C2CD3: variants seen among roughly 807,000 people sequenced by gnomAD.
C2CD3 encodes C2 domain containing 3 centriole elongation regulator.
Under a neutral mutation model 234.0 loss-of-function variants are expected in C2CD3, and 148 were observed. The observed-to-expected ratio is 0.63, with a 90% CI of 0.55 to 0.72. C2CD3 has a LOEUF of 0.72. Among genes scored for constraint, C2CD3 ranks in the 30% least tolerant of loss-of-function variants. The pLI is 0.00. For synonymous variants in C2CD3, 1,000 were observed against 1,035.4 expected (o/e 0.97, Z 0.66); for missense variants, 2,577 against 2,811.5 (o/e 0.92, Z 1.89).
chr11:74,119,034 C>T (rs1164519036), intron 8 of C2CD3, among the ~76,000 whole-genome samples: 1 of 151,862 alleles, frequency 6.6e-6, no homozygotes, highest in Non-Finnish European at 1.5e-5. Context: ...CTCAGCCTCC[C>T]AAGTAGCTGG....
chr11:74,112,032 C>A (rs1267035965), intron 11 of C2CD3, among the ~76,000 whole-genome samples: 1 of 150,614 alleles, frequency 6.6e-6, no homozygotes, highest in Non-Finnish European at 1.5e-5. Context: ...GATATAAAAG[C>A]AACAATCTTG....
At chr11:74,120,053 TATA>T (rs1957160139) in intron 8 of C2CD3, among the ~76,000 whole-genome samples, 1 of 152,182 alleles carries the variant, frequency 6.6e-6, no homozygotes, top group East Asian at 1.9e-4. Flanking sequence ...TTAAATTTTA[TATA>T]ATGTCAACTA....
Position 74,123,081 on chromosome 11 carries a change from G to A in C2CD3, c.1272C>T (p.Ser424=), listed in dbSNP as rs775780315. The A allele has an allele frequency of 5.6e-6, 9 of 1,612,488 alleles. No homozygotes were observed. In the Admixed American group the frequency reaches 1.0e-4, roughly 18 times the overall value. ...AATACACATCACTCCCAGGAGATGG[G>A]GAATCTGGAGGAGAGCCTAGCCCAT... ...FWDGLGSPPD[S]PSPGSDVYCI... The change falls in exon 8 of 33, where the codon TCC becomes TCT. Residue 424 remains serine, a synonymous_variant. Coordinates refer to ENST00000334126, the MANE Select transcript of C2CD3 (RefSeq NM_001286577.2).
intron 23 of C2CD3, among the ~76,000 whole-genome samples, chr11:74,075,296 C>T (rs1954984694): frequency 6.6e-6 from 1 of 150,656 alleles, no homozygotes; most frequent in East Asian, 2.0e-4. Flanking sequence ...TGTTTTTCGA[C>T]CTTCTCCCTA....
chr11:74,082,491 T>G (rs1462256928), intron 22 of C2CD3, among the ~76,000 whole-genome samples: 2 of 152,202 alleles, frequency 1.3e-5, no homozygotes, highest in African/African-American at 4.8e-5. Context: ...GTTTTTAGCA[T>G]GAAGGGCTGT....
chr11:74,054,723 TATAAAAC>T (rs1565234558), intron 25 of C2CD3, 52 bp from the exon 26 acceptor site: 1 of 1,235,920 alleles, frequency 8.1e-7, no homozygotes, highest in East Asian at 2.3e-5. Context: ...CTTTCTGTAG[TATAAAAC>T]TTAGATTTGA....
intron 32 of C2CD3, among the ~76,000 whole-genome samples, chr11:74,017,555 C>A (rs1029459799): frequency 1.3e-5 from 2 of 152,282 alleles, no homozygotes; most frequent in South Asian, 4.1e-4. Flanking sequence ...CTTCCTGAGG[C>A]TCTTCAAATT....
intron 14 of C2CD3, among the ~76,000 whole-genome samples, chr11:74,101,524 G>A (rs1054076460): frequency 6.6e-6 from 1 of 152,130 alleles, no homozygotes; most frequent in Admixed American, 6.5e-5. Context: ...TTTATATCCT[G>A]AACACATTTC....
chr11:74,030,919 G>T (rs1397138429), intron 31 of C2CD3, among the ~76,000 whole-genome samples: 1 of 152,076 alleles, frequency 6.6e-6, no homozygotes, highest in Non-Finnish European at 1.5e-5. Context: ...CTCATCCCCT[G>T]CCCCTCTATC....
intron 26 of C2CD3, among the ~76,000 whole-genome samples, chr11:74,050,078 C>A (rs1174608035): frequency 6.6e-6 from 1 of 152,162 alleles, no homozygotes. Flanking sequence ...CCCCACCTAG[C>A]TGGTCCTCTT....
intron 3 of C2CD3, among the ~76,000 whole-genome samples, chr11:74,143,024 C>A (rs1461977933): frequency 6.6e-6 from 1 of 152,174 alleles, no homozygotes; most frequent in African/African-American, 2.4e-5. Context: ...ACTTGCCAGG[C>A]TAAAGGGAGT....
In C2CD3 at chr11:74,114,473, G is replaced by A; in HGVS notation, c.1641C>T (p.Thr547=). 1 of 1,613,940 alleles carries A rather than the reference G, an allele frequency of 6.2e-7. No individual in the cohort carries two copies. The highest frequency in any genetic ancestry group is 8.5e-7 in the Non-Finnish European group (1 of 1,179,842). ...GAGGACTATCTGGAGGAACTCCCAT[G>A]GTTTCGATGATGATTCTGACTGAAT... is the stretch of plus-strand genomic sequence containing the variant. The part of the protein sequence containing the change: ...RTHSVRIIIE[T]MGVPPDSPQM... Residue 547 remains threonine, a synonymous_variant, in exon 10 of 33, where the codon ACC becomes ACT. Transcript: ENST00000334126.
chr11:74,138,897 T>C lies in C2CD3; in HGVS notation c.778A>G (p.Ser260Gly), dbSNP rs774998680. Residue 260 changes from serine to glycine, a missense_variant, in exon 5 of 33, where the codon AGT becomes GGT. Coordinates refer to ENST00000334126, the MANE Select transcript of C2CD3 (RefSeq NM_001286577.2). ...IKDSSFGLQH[S>G]LNSGQSLESV... ...TCTAAACTCTGTCCTGAATTAAGAC[T>C]GTGCTGTAGTCCAAAGGAAGAATCC... 1.9e-6 allele frequency: 3 copies of C among 1,612,786 alleles called. No individual in the cohort carries two copies. The highest frequency in any genetic ancestry group is 2.5e-6 in the Non-Finnish European group (3 of 1,178,768).
Position 74,074,499 on chromosome 11 carries a change from G to A in C2CD3, c.4705C>T (p.His1569Tyr), listed in dbSNP as rs1210909871. 1 of 1,614,210 alleles carries A rather than the reference G, an allele frequency of 6.2e-7. No individual in the cohort carries two copies. Among genetic ancestry groups the A allele is most frequent in the Non-Finnish European group, 8.5e-7 (1 of 1,180,016 alleles). ...SSLSSHLEPT[H>Y]ELDSMDCSSH... ...CTGCAGTCCATGGAGTCCAGCTCAT[G>A]AGTGGGCTCAAGGTGTGAGGAAAGA... Residue 1569 changes from histidine (H) to tyrosine (Y), a missense_variant, in exon 24 of 33, where the codon CAT becomes TAT. His to Tyr is a moderately conservative substitution (Grantham distance 83, BLOSUM62 2). Transcript: ENST00000334126.
intron 32 of C2CD3, among the ~76,000 whole-genome samples, chr11:74,022,127 GA>G (rs369613505): frequency 1.8e-4 from 27 of 149,610 alleles, no homozygotes; most frequent in African/African-American, 5.4e-4. Context: ...CCGTCTCGGG[GA>G]AAAAAAAAAG....
chr11:74,113,709 A>C (rs747810509), intron 11 of C2CD3, 71 bp downstream of exon 11: 1 of 787,166 alleles, frequency 1.3e-6, no homozygotes. Flanking sequence ...AAGTCAAATG[A>C]GTAATTAGGA....
At chr11:74,031,145 A>G (rs1952508780) in intron 31 of C2CD3, among the ~76,000 whole-genome samples, 1 of 152,228 alleles carries the variant, frequency 6.6e-6, no homozygotes, top group Non-Finnish European at 1.5e-5. Flanking sequence ...AGTGAACACT[A>G]TTCATGTACC....
chr11:74,111,802 C>T (rs903548442), intron 11 of C2CD3, among the ~76,000 whole-genome samples: 1 of 151,612 alleles, frequency 6.6e-6, no homozygotes, highest in Non-Finnish European at 1.5e-5. Context: ...TTTTTTTAAG[C>T]TCATCAGCTA....
chr11:74,093,777 T>C, intron 18 of C2CD3, 39 bp downstream of exon 18: 1 of 1,553,680 alleles, frequency 6.4e-7, no homozygotes, highest in Non-Finnish European at 8.8e-7. Flanking sequence ...GATTGTGCAC[T>C]TCCTTCCTAG....
Sources: allele counts gnomAD v4.1 joint callset (sites outside exome capture counted in the v4.1 genomes callset), GRCh38; gene constraint gnomAD v4.1.1; transcripts MANE v1.5; gene names NCBI Gene and HGNC (gene_info 2026-07-23, HGNC 2026-07-21).